Variants in LZTFL1 observed in about 807,000 individuals in gnomAD.
The protein encoded by LZTFL1 is leucine zipper transcription factor-like protein 1.
In LZTFL1, 25 loss-of-function variants were observed where a neutral mutation model predicts 45.9. That is an observed-to-expected ratio of 0.54 (90% CI 0.40 to 0.76). The LOEUF (loss-of-function observed/expected upper bound fraction) is 0.76, where lower values mean the gene tolerates loss of function less well. Ranked by LOEUF, LZTFL1 falls within the 30% of genes least tolerant of loss-of-function variation. LZTFL1 has a pLI of 0.00. For synonymous variants in LZTFL1, 93 were observed against 117.4 expected, an observed-to-expected ratio of 0.79 and a Z score of 1.35; for missense variants, 277 against 331.1, an observed-to-expected ratio of 0.84 and a Z score of 1.27.
At chr3:45,870,208 T>C (rs1701649694) in intron 2 of LZTFL1, among the ~76,000 whole-genome samples, 1 of 152,144 alleles carries the variant, frequency 6.6e-6, no homozygotes, top group African/African-American at 2.4e-5. Context: ...GCTATGTGGT[T>C]TGGGGTCAGG....
At chr3:45,887,047 C>T (rs1702001762) in intron 2 of LZTFL1, among the ~76,000 whole-genome samples, 1 of 152,070 alleles carries the variant, frequency 6.6e-6, no homozygotes, top group Non-Finnish European at 1.5e-5. Context: ...AAACTGGAAA[C>T]AAGGAAACTA....
At chr3:45,839,838 T>C (rs1701060752) in intron 1 of LZTFL1, among the ~76,000 whole-genome samples, 1 of 152,178 alleles carries the variant, frequency 6.6e-6, no homozygotes, top group Non-Finnish European at 1.5e-5. Context: ...ACTGAATTCC[T>C]ACCCACCCTT....
chr3:45,827,432 C>A lies in LZTFL1; in HGVS notation c.805G>T (p.Ala269Ser), dbSNP rs55703262. Residue 269 changes from alanine (A) to serine (S), a missense_variant, in exon 9 of 10, where the codon GCA becomes TCA. Coordinates refer to ENST00000296135, the MANE Select transcript of LZTFL1 (RefSeq NM_020347.4). The stretch of plus-strand genomic sequence containing the variant: ...ATCTCTTTCATGTTTCGATAAGCTG[C>A]TGTTTGCTGAAATTTCTTTTCTAAT... The part of the protein sequence containing the change: ...KELEKKFQQT[A>S]AYRNMKEILT... The A allele has an allele frequency of 1.2e-6, 2 of 1,613,328 alleles. No individual in the cohort carries two copies. Among genetic ancestry groups the A allele is most frequent in the Non-Finnish European group, 1.7e-6 (2 of 1,179,414 alleles).
intron 2 of LZTFL1, chr3:45,897,573 C>G: frequency 6.5e-7 from 1 of 1,535,596 alleles, no homozygotes; most frequent in Non-Finnish European, 8.7e-7. Context: ...TCCTCCAGGC[C>G]CCGCTCCAGA....
At chr3:45,907,462 C>G (rs1702705210) in intron 2 of LZTFL1, among the ~76,000 whole-genome samples, 1 of 152,220 alleles carries the variant, frequency 6.6e-6, no homozygotes, top group Admixed American at 6.5e-5. Flanking sequence ...GCTGCAGCAT[C>G]CTTCTGCAGA....
At chr3:45,835,109 CCATATTATAAG>C (rs2125685964) in intron 3 of LZTFL1, 1 of 152,484 alleles carries the variant, frequency 6.6e-6, no homozygotes, top group South Asian at 2.1e-4. Context: ...TCTTAGATGT[CCATATTATAAG>C]CTTTTTTGTA....
Position 45,826,321 on chromosome 3 carries a change from T to A in LZTFL1, c.893A>T (p.Glu298Val). ...LRKRLAQYEPED is the reference protein window; with the variant it reads ...LRKRLAQYEPVD ...CAGAGGAAATCTTCAGTTTTAATCT[T>A]CAGGTTCATATCTGGAGATATAAAT... Residue 298 changes from glutamate to valine, a missense_variant, in exon 10 of 10, where the codon GAA becomes GTA. By Grantham distance (121) the Glu-to-Val change is moderately radical. Coordinates refer to ENST00000296135, the MANE Select transcript of LZTFL1 (RefSeq NM_020347.4). 6.2e-7 allele frequency: 1 copy of A among 1,612,334 alleles called. No homozygotes were observed. Among genetic ancestry groups the A allele is most frequent in the Non-Finnish European group, 8.5e-7 (1 of 1,178,566 alleles).
intron 2 of LZTFL1, chr3:45,897,773 G>C: frequency 1.7e-6 from 1 of 591,834 alleles, no homozygotes; most frequent in Non-Finnish European, 2.9e-6. Context: ...TTTCTTCCTT[G>C]TCTGTCTTCC....
At chr3:45,842,254 C>G, upstream of LZTFL1, 1 of 1,167,884 alleles carries the variant, frequency 8.6e-7, no homozygotes, top group East Asian at 2.7e-5. Flanking sequence ...GAAGTCCCAC[C>G]TTTTTGTGCC....
At chr3:45,879,513 G>A (rs941345689) in intron 2 of LZTFL1, among the ~76,000 whole-genome samples, 1 of 152,350 alleles carries the variant, frequency 6.6e-6, no homozygotes. Flanking sequence ...GTGGAAGAGA[G>A]GGACGAATAG....
Position 45,824,252 on chromosome 3 carries a change from T to C in LZTFL1, c.*2062A>G, listed in dbSNP as rs779143909. On this transcript the variant is annotated 3_prime_UTR_variant, in exon 10 of 10. Transcript: ENST00000296135. ...ACCATCCTTAGAAATCCAATATATA[T>C]ATATATGAAAAAGGCTTTCTTTCTC... 1 of 152,018 alleles carries C rather than the reference T, an allele frequency of 6.6e-6. No individual in the cohort carries two copies. Among genetic ancestry groups the C allele is most frequent in the African/African-American group, 2.4e-5 (1 of 41,388 alleles). 9.4% of individuals were successfully genotyped at this position (152,018 alleles called of 1,614,324 possible). A position where few individuals can be genotyped will look rare whatever the true frequency, so the allele number is the denominator to read the frequency against.
chr3:45,888,234 A>G (rs148450568), intron 2 of LZTFL1, among the ~76,000 whole-genome samples: 37 of 152,200 alleles, frequency 2.4e-4, no homozygotes, highest in African/African-American at 3.6e-4. Context: ...GCCTTAGTGC[A>G]TATGTTTTCC....
chr3:45,845,574 T>C (rs1382448472), upstream of LZTFL1, among the ~76,000 whole-genome samples: 1 of 152,158 alleles, frequency 6.6e-6, no homozygotes, highest in African/African-American at 2.4e-5. Flanking sequence ...TTTATTATTA[T>C]TACAAGTGGC....
At chr3:45,891,627 A>G (rs757889418) in intron 2 of LZTFL1, among the ~76,000 whole-genome samples, 4 of 152,168 alleles carry the variant, frequency 2.6e-5, no homozygotes, top group Non-Finnish European at 5.9e-5. Context: ...CGGATGCAGC[A>G]CTATCATCGA....
intron 4 of LZTFL1, among the ~76,000 whole-genome samples, chr3:45,851,761 T>C (rs1701313433): frequency 6.6e-6 from 1 of 151,890 alleles, no homozygotes; most frequent in Non-Finnish European, 1.5e-5. Context: ...CGCGGGAGGA[T>C]GGCTTGAGCC....
At chr3:45,877,630 A>G (rs944477269) in intron 2 of LZTFL1, among the ~76,000 whole-genome samples, 3 of 152,072 alleles carry the variant, frequency 2.0e-5, no homozygotes, top group African/African-American at 7.2e-5. Context: ...ATTTTTTCCA[A>G]ATATGGTTAA....
At chr3:45,910,799 G>C (rs1278211667) in intron 2 of LZTFL1, among the ~76,000 whole-genome samples, 1 of 152,080 alleles carries the variant, frequency 6.6e-6, no homozygotes, top group Non-Finnish European at 1.5e-5. Flanking sequence ...AAAATTTAGT[G>C]GTATAAAAAC....
chr3:45,870,143 T>TGAG (rs1701648299), intron 2 of LZTFL1, among the ~76,000 whole-genome samples: 4 of 152,200 alleles, frequency 2.6e-5, no homozygotes, highest in Non-Finnish European at 5.9e-5. Context: ...AAGCTCAGCC[T>TGAG]GGCAGGAGGG....
intron 2 of LZTFL1, among the ~76,000 whole-genome samples, chr3:45,880,166 C>T (rs536686488): frequency 1.3e-5 from 2 of 152,306 alleles, no homozygotes; most frequent in South Asian, 4.1e-4. Context: ...AAAGGTTTTG[C>T]TGTTTTTTTG....
Sources: allele counts gnomAD v4.1 joint callset (sites outside exome capture counted in the v4.1 genomes callset), GRCh38; gene constraint gnomAD v4.1.1; transcripts MANE v1.5; gene names NCBI Gene and HGNC (gene_info 2026-07-23, HGNC 2026-07-21).